Variants in LAMA4 observed in about 807,000 individuals in gnomAD.
The protein encoded by LAMA4 is laminin subunit alpha 4.
LAMA4 carries 127 observed loss-of-function variants against 207.1 expected under a neutral mutation model. That is an observed-to-expected ratio of 0.61 (90% CI 0.53 to 0.71). The LOEUF is 0.71. LAMA4 is among the 30% of genes least tolerant of loss of function. The pLI is 0.00. For synonymous variants in LAMA4, 761 were observed against 816.0 expected (o/e 0.93, Z 1.15); for missense variants, 2,093 against 2,246.5 (o/e 0.93, Z 1.38).
At chr6:112,121,665 T>C (rs1038638374) in intron 32 of LAMA4, 29 of 330,374 alleles carry the variant, frequency 8.8e-5, no homozygotes, top group Middle Eastern at 1.0e-3. Context: ...TGCACTCCCA[T>C]TTACAATCTG....
At position 112,155,673 on chromosome 6, in the gene LAMA4, T is replaced by C. The variant is rs1583742247; in HGVS notation, c.1851A>G (p.Val617=). The C allele has an allele frequency of 6.2e-7, 1 of 1,614,128 alleles. No homozygotes were observed. The stretch of plus-strand genomic sequence containing the variant: ...CATTTGATGCATCCAAAGCCTTCTG[T>C]ACCAGCCCGTTCATATCTGAACTGT... ...KLHSSDMNGL[V]QKALDASNVY... The change falls in exon 15 of 39, where the codon GTA becomes GTG. Residue 617 remains valine (V), a synonymous_variant. Transcript: ENST00000230538.
intron 8 of LAMA4, chr6:112,186,873 C>T (rs1308342152): frequency 2.2e-6 from 1 of 455,332 alleles, no homozygotes; most frequent in Non-Finnish European, 4.4e-6. Context: ...CTGTTGGCTG[C>T]TTTTAACTTG....
At chr6:112,209,885 G>T (rs1784267973) in intron 3 of LAMA4, among the ~76,000 whole-genome samples, 3 of 152,238 alleles carry the variant, frequency 2.0e-5, no homozygotes, top group Admixed American at 2.0e-4. Flanking sequence ...TTGGAGGTGG[G>T]GCCTGGTGGG....
intron 2 of LAMA4, among the ~76,000 whole-genome samples, chr6:112,233,136 C>A (rs1361708516): frequency 1.3e-5 from 2 of 152,198 alleles, no homozygotes; most frequent in Non-Finnish European, 2.9e-5. Context: ...GCCAGGGACA[C>A]CGTGGTTGAC....
intron 5 of LAMA4, among the ~76,000 whole-genome samples, chr6:112,195,643 C>G (rs1196442267): frequency 6.6e-6 from 1 of 151,976 alleles, no homozygotes; most frequent in African/African-American, 2.4e-5. Flanking sequence ...TTAATTTGCC[C>G]CATTCTTTTC....
At chr6:112,241,265 CT>C (rs1786491692) in intron 2 of LAMA4, among the ~76,000 whole-genome samples, 1 of 146,022 alleles carries the variant, frequency 6.8e-6, no homozygotes, top group Non-Finnish European at 1.5e-5. Context: ...ATTCAGAAAT[CT>C]CAACGACTGT....
intron 36 of LAMA4, 31 bp downstream of exon 36, chr6:112,115,832 G>A (rs782440144): frequency 1.2e-6 from 2 of 1,607,520 alleles, no homozygotes; most frequent in African/African-American, 1.3e-5. Context: ...GGTCAGATGA[G>A]ACAAATTGTT....
At chr6:112,124,653 ATAGTAC>A (rs1244082419) in intron 31 of LAMA4, among the ~76,000 whole-genome samples, 1 of 151,954 alleles carries the variant, frequency 6.6e-6, no homozygotes, top group African/African-American at 2.4e-5. Flanking sequence ...AATCCTACTG[ATAGTAC>A]TAGTTCAATT....
chr6:112,217,213 CT>C (rs1554359050), intron 2 of LAMA4, among the ~76,000 whole-genome samples: 1 of 152,170 alleles, frequency 6.6e-6, no homozygotes, highest in African/African-American at 2.4e-5. Flanking sequence ...CAATCATCAG[CT>C]GCCCTCCCCA....
intron 31 of LAMA4, among the ~76,000 whole-genome samples, chr6:112,122,960 A>G (rs1284707391): frequency 2.6e-5 from 4 of 152,222 alleles, no homozygotes; most frequent in Non-Finnish European, 5.9e-5. Context: ...CGTGGGTGGC[A>G]TGTAGTGGGG....
intron 9 of LAMA4, chr6:112,179,584 A>G (rs886763678): frequency 3.8e-5 from 6 of 157,152 alleles, no homozygotes; most frequent in African/African-American, 1.2e-4. Flanking sequence ...TTTCCTGAGG[A>G]TAGGGAAGTG....
intron 7 of LAMA4, among the ~76,000 whole-genome samples, chr6:112,188,492 G>A (rs576130733): frequency 6.6e-6 from 1 of 152,174 alleles, no homozygotes; most frequent in Non-Finnish European, 1.5e-5. Context: ...CGTCTGCTCC[G>A]AGGGACTGAG....
chr6:112,249,586 T>C (rs1787280707), intron 2 of LAMA4, among the ~76,000 whole-genome samples: 1 of 152,130 alleles, frequency 6.6e-6, no homozygotes, highest in Non-Finnish European at 1.5e-5. Flanking sequence ...CTAGCTGTGC[T>C]GCTTACAAGC....
chr6:112,119,423 G>C (rs1486710349), intron 33 of LAMA4, 112 bp from the exon 34 acceptor site: 8 of 1,192,936 alleles, frequency 6.7e-6, no homozygotes, highest in Non-Finnish European at 9.8e-6. Flanking sequence ...GAAATCTTCA[G>C]AAAGTTTATT....
chr6:112,155,944 G>A (rs1314015278), intron 14 of LAMA4, among the ~76,000 whole-genome samples: 1 of 152,186 alleles, frequency 6.6e-6, no homozygotes, highest in Non-Finnish European at 1.5e-5. Flanking sequence ...GCAGGAAAAG[G>A]GAATGACGAT....
chr6:112,149,576 C>T (rs553212858), intron 17 of LAMA4, among the ~76,000 whole-genome samples: 1 of 152,306 alleles, frequency 6.6e-6, no homozygotes, highest in Admixed American at 6.5e-5. Flanking sequence ...TAAAGAGGTG[C>T]TTTCTGCCAT....
At chr6:112,200,066 G>A (rs988088789) in intron 5 of LAMA4, 3 of 528,140 alleles carry the variant, frequency 5.7e-6, no homozygotes, top group Non-Finnish European at 1.2e-5. Context: ...GACTCTTTGA[G>A]CAAAAGCCAT....
chr6:112,158,472 T>G, intron 14 of LAMA4: 1 of 473,190 alleles, frequency 2.1e-6, no homozygotes, highest in Non-Finnish European at 3.8e-6. Context: ...TATGACAGAT[T>G]TTTTTTAAAT....
intron 13 of LAMA4, chr6:112,162,326 G>T (rs571275198): frequency 1.3e-5 from 2 of 152,156 alleles, no homozygotes; most frequent in South Asian, 4.2e-4. Context: ...CAAAAAATTA[G>T]CCGGGCATGG....
Sources: gnomAD v4.1 joint callset for allele counts (sites outside exome capture counted in the v4.1 genomes callset) on GRCh38, gnomAD v4.1.1 for gene constraint, MANE v1.5 for transcripts, NCBI Gene and HGNC (gene_info 2026-07-23, HGNC 2026-07-21) for gene names.